Variants in TBC1D5 observed in about 807,000 individuals in gnomAD.
The protein encoded by TBC1D5 is TBC1 domain family, member 5.
A neutral mutation model predicts 100.3 loss-of-function variants in TBC1D5; 75 were observed. That is an observed-to-expected ratio of 0.75 (90% CI 0.62 to 0.91). The LOEUF is 0.91. Ranked by LOEUF, TBC1D5 falls within the 40% of genes least tolerant of loss-of-function variation. The pLI is 0.00. For missense variants in TBC1D5, 910 were observed against 942.4 expected (o/e 0.97, Z 0.45); for synonymous variants, 323 against 325.6 (o/e 0.99, Z 0.09).
rs1018429307 is a variant in TBC1D5, at chr3:17,681,005, C to T, written c.-100-57092G>A. Among the ~76,000 whole-genome samples the T allele has an allele frequency of 3.3e-5, 5 of 151,480 alleles. 1 individual carries two copies. Among genetic ancestry groups the T allele is most frequent in the Admixed American group, 3.3e-4 (5 of 15,248 alleles). On this transcript the variant is annotated intron_variant, in intron 1 of 21. Coordinates refer to ENST00000253692, the Ensembl canonical transcript of TBC1D5. ...GCAGGGACCCAAACTACTTCATATGCTGTCCACAAAATGGATGAGGCATGA... is the reference window on the plus strand; with the variant it reads ...GCAGGGACCCAAACTACTTCATATGTTGTCCACAAAATGGATGAGGCATGA...
At chr3:17,518,301 C>A (rs1412850681) in intron 2 of TBC1D5, among the ~76,000 whole-genome samples, 1 of 152,164 alleles carries the variant, frequency 6.6e-6, no homozygotes, top group Non-Finnish European at 1.5e-5. Flanking sequence ...GCCCACCCTG[C>A]CCCTTCATCC....
chr3:17,737,324 C>T (rs1053834061), intron 1 of TBC1D5, among the ~76,000 whole-genome samples: 4 of 152,018 alleles, frequency 2.6e-5, no homozygotes, highest in Admixed American at 2.0e-4. Flanking sequence ...GTTTAGTAAC[C>T]CTAGAAGATA....
chr3:17,726,209 T>C (rs2076117706), intron 1 of TBC1D5, among the ~76,000 whole-genome samples: 1 of 152,240 alleles, frequency 6.6e-6, no homozygotes, highest in South Asian at 2.1e-4. Context: ...TATAAAAATT[T>C]ATATTTCTTT....
chr3:17,677,174 C>T (rs545795290), intron 1 of TBC1D5, among the ~76,000 whole-genome samples: 2 of 152,120 alleles, frequency 1.3e-5, no homozygotes, highest in Admixed American at 6.5e-5. Context: ...AACTAAAGAG[C>T]TTCTGCACAG....
At chr3:17,720,643 A>G (rs2075621952) in intron 1 of TBC1D5, among the ~76,000 whole-genome samples, 1 of 151,982 alleles carries the variant, frequency 6.6e-6, no homozygotes, top group Non-Finnish European at 1.5e-5. Flanking sequence ...CCCTGCCTCT[A>G]AAACAAATTT....
At chr3:17,230,123 A>C (rs1017585848) in intron 17 of TBC1D5, among the ~76,000 whole-genome samples, 16 of 152,120 alleles carry the variant, frequency 1.1e-4, no homozygotes, top group African/African-American at 3.6e-4. Flanking sequence ...AGTGCCATCT[A>C]TGAGGACCAT....
At chr3:17,302,374 A>C (rs2150397610) in intron 14 of TBC1D5, among the ~76,000 whole-genome samples, 1 of 152,282 alleles carries the variant, frequency 6.6e-6, no homozygotes, top group South Asian at 2.1e-4. Flanking sequence ...ATATTGGATT[A>C]GTATGACCTC....
At chr3:17,426,980 C>T (rs2094349907) in intron 4 of TBC1D5, among the ~76,000 whole-genome samples, 1 of 151,896 alleles carries the variant, frequency 6.6e-6, no homozygotes, top group South Asian at 2.1e-4. Flanking sequence ...TGTTACATGT[C>T]AACTCCTAAT....
At chr3:17,395,709 C>T (rs988570764) in intron 8 of TBC1D5, among the ~76,000 whole-genome samples, 16 of 152,094 alleles carry the variant, frequency 1.1e-4, no homozygotes, top group Admixed American at 9.2e-4. Context: ...ACTGTGCTGC[C>T]GCTATGTACT....
At chr3:17,720,889 G>C (rs1466063542) in intron 1 of TBC1D5, among the ~76,000 whole-genome samples, 2 of 151,404 alleles carry the variant, frequency 1.3e-5, no homozygotes, top group East Asian at 1.9e-4. Flanking sequence ...ATCCAGGCTA[G>C]AGTGCAGTGG....
chr3:17,458,678 A>G (rs909605299), intron 3 of TBC1D5, among the ~76,000 whole-genome samples: 5 of 152,108 alleles, frequency 3.3e-5, no homozygotes, highest in Non-Finnish European at 5.9e-5. Context: ...TGGGTCTGAA[A>G]TTTCAGCACT....
chr3:17,569,772 T>C (rs890121559), intron 2 of TBC1D5, among the ~76,000 whole-genome samples: 5 of 151,228 alleles, frequency 3.3e-5, no homozygotes, highest in Non-Finnish European at 7.4e-5. Flanking sequence ...TATATATTTA[T>C]ATATTTGTAA....
At chr3:17,249,597 C>G (rs1191943936) in intron 16 of TBC1D5, among the ~76,000 whole-genome samples, 1 of 152,168 alleles carries the variant, frequency 6.6e-6, no homozygotes, top group East Asian at 1.9e-4. Context: ...TCCCTGAGCC[C>G]TCCCTAGAAG....
chr3:17,711,945 T>C (rs1231434499), intron 1 of TBC1D5, among the ~76,000 whole-genome samples: 1 of 152,250 alleles, frequency 6.6e-6, no homozygotes. Context: ...CTTTACTTTA[T>C]TACAAAGACA....
intron 2 of TBC1D5, among the ~76,000 whole-genome samples, chr3:17,581,269 A>C (rs980899912): frequency 2.0e-5 from 3 of 152,182 alleles, no homozygotes; most frequent in Admixed American, 6.5e-5. Context: ...TTTTCTTTAT[A>C]AATTACCTAG....
chr3:17,181,736 T>C (rs1403832648), intron 19 of TBC1D5, among the ~76,000 whole-genome samples: 1 of 152,212 alleles, frequency 6.6e-6, no homozygotes, highest in Non-Finnish European at 1.5e-5. Flanking sequence ...TTTCTAAGCA[T>C]AGAAGATTAG....
intron 2 of TBC1D5, among the ~76,000 whole-genome samples, chr3:17,603,955 A>G (rs1012584067): frequency 6.6e-6 from 1 of 151,880 alleles, no homozygotes; most frequent in African/African-American, 2.4e-5. Context: ...CTATTCCTTT[A>G]CTTTTCTTAA....
intron 15 of TBC1D5, among the ~76,000 whole-genome samples, chr3:17,265,162 T>C (rs2078721824): frequency 6.6e-6 from 1 of 152,182 alleles, no homozygotes; most frequent in Non-Finnish European, 1.5e-5. Flanking sequence ...GAGAATATAA[T>C]AATCAAAGTG....
intron 2 of TBC1D5, among the ~76,000 whole-genome samples, chr3:17,577,775 G>A (rs987088986): frequency 6.6e-6 from 1 of 151,918 alleles, no homozygotes; most frequent in Non-Finnish European, 1.5e-5. Flanking sequence ...CATAAACCCT[G>A]AATGTTCAAT....
Sources: allele counts gnomAD v4.1 joint callset (sites outside exome capture counted in the v4.1 genomes callset), GRCh38; gene constraint gnomAD v4.1.1; transcripts MANE v1.5; gene names NCBI Gene and HGNC (gene_info 2026-07-23, HGNC 2026-07-21).